The following BBS12 variants were observed in gnomAD, a reference collection of about 807,000 sequenced individuals.
The protein encoded by BBS12 is Bardet-Biedl syndrome 12, also known as chaperonin-containing T-complex member BBS12.
A neutral mutation model predicts 5.6 loss-of-function variants in BBS12; 5 were observed. That is an observed-to-expected ratio of 0.89 (90% CI 0.46 to 1.86). BBS12 has a LOEUF of 1.86. Ranked by LOEUF, BBS12 falls within the 40% of genes most tolerant of loss-of-function variation. The pLI is 0.01. For synonymous variants in BBS12, 308 were observed against 306.8 expected, an observed-to-expected ratio of 1.00 and a Z score of -0.04; for missense variants, 748 against 830.4, an observed-to-expected ratio of 0.90 and a Z score of 1.22.
chr4:122,732,779 C>T lies in BBS12; in HGVS notation c.-116C>T, dbSNP rs1432505908. On this transcript the variant is annotated 5_prime_UTR_variant, in exon 1 of 2. Coordinates refer to ENST00000314218, the MANE Select transcript of BBS12 (RefSeq NM_152618.3). ...CGCAAACTGCGGACGGGGAACTGGGCTCCCTAGCCCTGGCGTTTTTGGTGT... is the reference window on the plus strand; with the variant it reads ...CGCAAACTGCGGACGGGGAACTGGGTTCCCTAGCCCTGGCGTTTTTGGTGT... 1 of 152,370 alleles carries T rather than the reference C, an allele frequency of 6.6e-6. No homozygotes were observed. The highest frequency in any genetic ancestry group is 1.5e-5 in the Non-Finnish European group (1 of 68,152). 9.4% of individuals were successfully genotyped at this position (152,370 alleles called of 1,614,324 possible). A position where few individuals can be genotyped will look rare whatever the true frequency, so the allele number is the denominator to read the frequency against.
At chr4:122,721,879 T>A in the BBS12 span, among the ~76,000 whole-genome samples, 1 of 152,198 alleles carries the variant, frequency 6.6e-6, no homozygotes, top group Non-Finnish European at 1.5e-5. Flanking sequence ...GGAGGGAAAT[T>A]AAGCCTCTAC....
chr4:122,729,302 T>C (rs1335168470), upstream of BBS12: 1 of 152,290 alleles, frequency 6.6e-6, no homozygotes, highest in Non-Finnish European at 1.5e-5. Flanking sequence ...TCCTAGTCTC[T>C]TCAAAAGAAG....
the BBS12 span, among the ~76,000 whole-genome samples, chr4:122,726,696 A>G: frequency 1.7e-4 from 26 of 152,356 alleles, no homozygotes; most frequent in African/African-American, 6.3e-4. Flanking sequence ...AAAACATGGA[A>G]CCAGCCCAAA....
chr4:122,705,528 G>GA, the BBS12 span, among the ~76,000 whole-genome samples: 5 of 152,184 alleles, frequency 3.3e-5, no homozygotes, highest in South Asian at 2.1e-4. Flanking sequence ...AGTTAAAACA[G>GA]AAAAAAATGC....
chr4:122,739,890 G>A lies in BBS12; in HGVS notation c.-10-1993G>A, dbSNP rs151239894. ...AGAAATCTGGCAATAAAAGGCAAAT[G>A]TGAGCATGCTTTCTCTAAGATGCAT... On this transcript the variant is annotated intron_variant, in intron 1 of 1. Coordinates refer to ENST00000314218, the MANE Select transcript of BBS12 (RefSeq NM_152618.3). 4.6e-5 allele frequency among the ~76,000 whole-genome samples: 7 copies of A among 152,376 alleles called. No individual in the cohort carries two copies. The East Asian group carries it at 1.3e-3, about 29-fold the overall frequency.
chr4:122,744,829 A>G lies in BBS12; in HGVS notation c.*804A>G, dbSNP rs151076630. 2.4e-3 allele frequency: 393 copies of G among 167,222 alleles called. 1 individual carries two copies. Among genetic ancestry groups the G allele is most frequent in the Non-Finnish European group, 3.9e-3 (264 of 68,122 alleles). The allele number at this position is 167,222 out of a possible 1,614,324, so 10.4% of individuals were successfully genotyped here. ...TCCTGTCCCCCAAGGTCTTGACTCA[A>G]TCAACTCTAAGTTCCAAGGGAGGAC... On this transcript the variant is annotated 3_prime_UTR_variant, in exon 2 of 2. Transcript: ENST00000314218.
chr4:122,709,194 A>G, the BBS12 span, among the ~76,000 whole-genome samples: 1 of 152,342 alleles, frequency 6.6e-6, no homozygotes, highest in South Asian at 2.1e-4. Flanking sequence ...TCTTTATGTT[A>G]ACATCTTGAT....
At chr4:122,737,876 G>A (rs780404961) in intron 1 of BBS12, among the ~76,000 whole-genome samples, 1 of 152,166 alleles carries the variant, frequency 6.6e-6, no homozygotes, top group Non-Finnish European at 1.5e-5. Flanking sequence ...AGACATCTAT[G>A]GCTAATTGAT....
chr4:122,732,432 G>A (rs1443639130), upstream of BBS12: 1 of 152,356 alleles, frequency 6.6e-6, no homozygotes, highest in Non-Finnish European at 1.5e-5. Flanking sequence ...GTCCCCAGCC[G>A]GCAGCCGGCG....
intron 1 of BBS12, among the ~76,000 whole-genome samples, chr4:122,740,318 T>C (rs1187221195): frequency 6.6e-6 from 1 of 152,162 alleles, no homozygotes; most frequent in Non-Finnish European, 1.5e-5. Context: ...CTGTGACTTG[T>C]AATACTGGGG....
chr4:122,743,465 C>T lies in BBS12; in HGVS notation c.1573C>T (p.Arg525Cys), dbSNP rs760420127. The T allele has an allele frequency of 9.3e-6, 15 of 1,614,040 alleles. No homozygotes were observed. The highest frequency in any genetic ancestry group is 5.3e-5 in the African/African-American group (4 of 74,918). ...KEDRFWTCAYRLYYALKEEKV... is the reference protein window; with the variant it reads ...KEDRFWTCAYCLYYALKEEKV... ...AGATAGGTTCTGGACATGTGCCTAT[C>T]GTTTGTATTATGCTCTAAAAGAGGA... The change falls in exon 2 of 2, where the codon CGT (arginine) becomes TGT (cysteine). Residue 525 changes from arginine (R) to cysteine (C), a missense_variant. Coordinates refer to ENST00000314218, the MANE Select transcript of BBS12 (RefSeq NM_152618.3).
the BBS12 span, among the ~76,000 whole-genome samples, chr4:122,715,476 G>A: frequency 6.6e-6 from 1 of 152,094 alleles, no homozygotes; most frequent in Non-Finnish European, 1.5e-5. Context: ...CCCCTACCTG[G>A]TAGGTTGAAG....
In BBS12 at chr4:122,743,898, A is replaced by C; in HGVS notation, c.2006A>C (p.Lys669Thr). 1.2e-6 allele frequency: 2 copies of C among 1,604,866 alleles called. No homozygotes were observed. The highest frequency in any genetic ancestry group is 1.7e-6 in the Non-Finnish European group (2 of 1,175,826). Reference protein sequence around the residue: ...IPRVYDVVTPKIEAWRRALDL... With the variant: ...IPRVYDVVTPTIEAWRRALDL... ...AGAGTTTATGACGTTGTTACACCAA[A>C]GATTGAGGCGTGGCGCCGAGCATTG... The change falls in exon 2 of 2, where the codon AAG becomes ACG. Residue 669 changes from lysine to threonine, a missense_variant. Coordinates refer to ENST00000314218, the MANE Select transcript of BBS12 (RefSeq NM_152618.3).
intron 1 of BBS12, among the ~76,000 whole-genome samples, chr4:122,738,184 A>G (rs1800813885): frequency 6.6e-6 from 1 of 152,186 alleles, no homozygotes; most frequent in Non-Finnish European, 1.5e-5. Flanking sequence ...TCATCAAACA[A>G]CAACAAAAAA....
the BBS12 span, among the ~76,000 whole-genome samples, chr4:122,726,124 A>T: frequency 6.6e-6 from 1 of 152,292 alleles, no homozygotes; most frequent in East Asian, 1.9e-4. Context: ...AACAGTCAGC[A>T]GAGTACACAG....
chr4:122,717,730 G>A, the BBS12 span, among the ~76,000 whole-genome samples: 6 of 152,040 alleles, frequency 3.9e-5, no homozygotes, highest in African/African-American at 1.4e-4. Flanking sequence ...GGGTCTCACT[G>A]CTCAGGCTGG....
chr4:122,720,050 T>G, the BBS12 span, among the ~76,000 whole-genome samples: 2 of 152,116 alleles, frequency 1.3e-5, no homozygotes, highest in East Asian at 3.8e-4. Context: ...CATATCTGGC[T>G]AAAAAACAAG....
At chr4:122,734,285 A>G (rs1800752265) in intron 1 of BBS12, among the ~76,000 whole-genome samples, 1 of 149,282 alleles carries the variant, frequency 6.7e-6, no homozygotes, top group Admixed American at 6.6e-5. Context: ...TTTTTTTTTG[A>G]GACCGAGTCC....
chr4:122,720,954 T>G, the BBS12 span, among the ~76,000 whole-genome samples: 1 of 150,758 alleles, frequency 6.6e-6, no homozygotes, highest in Non-Finnish European at 1.5e-5. Context: ...GGTGCAAAAG[T>G]AATTTTTGCC....
Sources: gnomAD v4.1 joint callset for allele counts (sites outside exome capture counted in the v4.1 genomes callset) on GRCh38, gnomAD v4.1.1 for gene constraint, MANE v1.5 for transcripts, NCBI Gene and HGNC (gene_info 2026-07-23, HGNC 2026-07-21) for gene names.